EZH2: variants seen among roughly 807,000 people sequenced by gnomAD.
EZH2 encodes enhancer of zeste 2 polycomb repressive complex 2 subunit.
In EZH2, 18 loss-of-function variants were observed where a neutral mutation model predicts 98.4. The observed-to-expected ratio is 0.18, with a 90% CI of 0.13 to 0.27. The LOEUF is 0.27. EZH2 is among the 10% of genes least tolerant of loss of function. The pLI is 1.00. For synonymous variants in EZH2, 338 were observed against 312.3 expected, an observed-to-expected ratio of 1.08 and a Z score of -0.87; for missense variants, 470 against 935.1, an observed-to-expected ratio of 0.50 and a Z score of 6.49.
At chr7:148,810,263 G>C in intron 17 of EZH2, 70 bp downstream of exon 17, 1 of 1,196,658 alleles carries the variant, frequency 8.4e-7, no homozygotes, top group Non-Finnish European at 1.2e-6. Flanking sequence ...CCTCGTTTCT[G>C]AACACTCGGC....
At position 148,842,419 on chromosome 7, in the gene EZH2, A is replaced by G. The variant is rs188629925; in HGVS notation, c.246+4051T>C. ...TGGAAAAAGAGACACAATGAAGAATATAACTACCAATATGAAGACCTACAG... is the reference window on the plus strand; with the variant it reads ...TGGAAAAAGAGACACAATGAAGAATGTAACTACCAATATGAAGACCTACAG... On this transcript the variant is annotated intron_variant, in intron 3 of 19. Coordinates refer to ENST00000320356, the MANE Select transcript of EZH2 (RefSeq NM_004456.5). Among the ~76,000 whole-genome samples the G allele has an allele frequency of 1.9e-3, 286 of 152,358 alleles. 2 individuals carry two copies. Among genetic ancestry groups the G allele is most frequent in the African/African-American group, 6.5e-3 (269 of 41,580 alleles).
chr7:148,870,015 G>GT (rs1819114290), intron 1 of EZH2, among the ~76,000 whole-genome samples: 1 of 152,106 alleles, frequency 6.6e-6, no homozygotes, highest in African/African-American at 2.4e-5. Context: ...GAGCCCACGA[G>GT]TTTGAGACCA....
chr7:148,870,695 C>CAA (rs769953626), intron 1 of EZH2, among the ~76,000 whole-genome samples: 4 of 93,332 alleles, frequency 4.3e-5, no homozygotes, highest in South Asian at 3.4e-4. Context: ...GACTCTGTCT[C>CAA]AAAAAAAAAA....
At position 148,813,142 on chromosome 7, in the gene EZH2, A is replaced by G. The variant is rs550145887; in HGVS notation, c.1851+817T>C. Among the ~76,000 whole-genome samples the G allele has an allele frequency of 5.3e-5, 8 of 152,152 alleles. No individual in the cohort carries two copies. The South Asian group carries it at 1.7e-3, about 32-fold the overall frequency. On this transcript the variant is annotated intron_variant, in intron 15 of 19. Coordinates refer to ENST00000320356, the MANE Select transcript of EZH2 (RefSeq NM_004456.5). ...GGATTTGATCTCCTGCTCCTTTACA[A>G]GTCTTGTGACTTTGGGTTTCCTTAC...
At chr7:148,834,350 T>TAC (rs1429486053) in intron 3 of EZH2, among the ~76,000 whole-genome samples, 11 of 82,026 alleles carry the variant, frequency 1.3e-4, no homozygotes, top group Admixed American at 5.0e-4. Flanking sequence ...TATATATATA[T>TAC]ATACACACAC....
chr7:148,823,279 G>T (rs1443303573), intron 8 of EZH2, among the ~76,000 whole-genome samples: 2 of 152,074 alleles, frequency 1.3e-5, no homozygotes, highest in African/African-American at 4.8e-5. Flanking sequence ...GCATGAAATG[G>T]GTACAGATAT....
At chr7:148,850,477 C>T in intron 1 of EZH2, 1 of 965,726 alleles carries the variant, frequency 1.0e-6, no homozygotes. Flanking sequence ...TCATGAAAAT[C>T]TACAGCATCC....
chr7:148,856,099 A>C (rs184857580), intron 1 of EZH2, among the ~76,000 whole-genome samples: 286 of 152,216 alleles, frequency 1.9e-3, no homozygotes, highest in Non-Finnish European at 3.4e-3. Context: ...CAGCAAGTCT[A>C]ACAGTATTAT....
At chr7:148,874,050 G>C (rs868783640) in intron 1 of EZH2, among the ~76,000 whole-genome samples, 4 of 152,126 alleles carry the variant, frequency 2.6e-5, no homozygotes, top group African/African-American at 7.2e-5. Flanking sequence ...CTGTAGACTA[G>C]TAAGAAAATC....
At chr7:148,839,557 CA>C (rs1042027887) in intron 3 of EZH2, among the ~76,000 whole-genome samples, 4 of 150,044 alleles carry the variant, frequency 2.7e-5, no homozygotes, top group South Asian at 2.1e-4. Flanking sequence ...AAACATATGA[CA>C]AAAAAAACTA....
At chr7:148,821,083 TCCCCCG>T (rs1341271891) in intron 8 of EZH2, 1 of 117,090 alleles carries the variant, frequency 8.5e-6, no homozygotes, top group Non-Finnish European at 1.8e-5. Flanking sequence ...CCCACTCCCC[TCCCCCG>T]CCCAACCAAA....
At chr7:148,883,905 C>T (rs1402838865) in intron 1 of EZH2, among the ~76,000 whole-genome samples, 4 of 151,842 alleles carry the variant, frequency 2.6e-5, no homozygotes, top group Non-Finnish European at 5.9e-5. Context: ...CGCCCCCCGC[C>T]CCGCAGCTCC....
At chr7:148,818,221 A>G in intron 9 of EZH2, 104 bp from the exon 10 acceptor site, 2 of 1,161,446 alleles carry the variant, frequency 1.7e-6, no homozygotes, top group Non-Finnish European at 2.4e-6. Context: ...AAAATGTATC[A>G]CATTATCCAT....
chr7:148,813,052 TACACACAC>T (rs142835355), intron 15 of EZH2, among the ~76,000 whole-genome samples: 7 of 132,108 alleles, frequency 5.3e-5, no homozygotes, highest in East Asian at 2.3e-4. Context: ...ACACCCCACA[TACACACAC>T]ACACACACAC....
In EZH2 at chr7:148,828,802, T is replaced by TGA; in HGVS notation, c.562_563insTC (p.Asp188ValfsTer54). On this transcript the variant is annotated frameshift_variant, in exon 6 of 20. Transcript: ENST00000320356. LOFTEE classifies it high-confidence loss of function. ...TCTTTCTTCAGGATCGTCTCCATCA[T>TGA]CATCATCGTCATCATCATTATATTG... 1 of 1,613,874 alleles carries TGA rather than the reference T, an allele frequency of 6.2e-7. No homozygotes were observed. Among genetic ancestry groups the TGA allele is most frequent in the African/African-American group, 1.3e-5 (1 of 75,008 alleles).
intron 17 of EZH2, chr7:148,810,079 C>T: frequency 2.7e-6 from 1 of 373,378 alleles, no homozygotes; most frequent in Non-Finnish European, 5.0e-6. Context: ...GTCCCCTTCA[C>T]AGCCAGATGC....
chr7:148,845,140 A>C (rs575018143), intron 3 of EZH2, among the ~76,000 whole-genome samples: 2 of 152,216 alleles, frequency 1.3e-5, no homozygotes, highest in South Asian at 4.1e-4. Flanking sequence ...TTCCATGTGA[A>C]TCTACCTAAT....
intron 1 of EZH2, among the ~76,000 whole-genome samples, chr7:148,850,953 TTC>T (rs1013481470): frequency 2.6e-5 from 4 of 152,160 alleles, no homozygotes; most frequent in Non-Finnish European, 2.9e-5. Context: ...AGCTAGAGTC[TTC>T]TCTCTCTCAA....
intron 3 of EZH2, among the ~76,000 whole-genome samples, chr7:148,839,407 G>A (rs1415964289): frequency 6.6e-6 from 1 of 151,452 alleles, no homozygotes; most frequent in Non-Finnish European, 1.5e-5. Flanking sequence ...GAGAACTAAA[G>A]GAAAGATAGG....
Sources: allele counts gnomAD v4.1 joint callset (sites outside exome capture counted in the v4.1 genomes callset), GRCh38; gene constraint gnomAD v4.1.1; transcripts MANE v1.5; gene names NCBI Gene and HGNC (gene_info 2026-07-23, HGNC 2026-07-21).